Variants in TMEM242 observed in about 807,000 individuals in gnomAD.
TMEM242 encodes UPF0463 transmembrane protein C6orf35.
TMEM242 carries 10 observed loss-of-function variants against 18.2 expected under a neutral mutation model. The observed-to-expected ratio is 0.55, with a 90% CI of 0.34 to 0.93. The LOEUF (loss-of-function observed/expected upper bound fraction) is 0.93, where lower values mean the gene tolerates loss of function less well. TMEM242 is among the 40% of genes least tolerant of loss of function. TMEM242 has a pLI of 0.02. For missense variants in TMEM242, 186 were observed against 175.5 expected, an observed-to-expected ratio of 1.06 and a Z score of -0.34; for synonymous variants, 57 against 69.9, an observed-to-expected ratio of 0.81 and a Z score of 0.92.
intron 3 of TMEM242, among the ~76,000 whole-genome samples, chr6:157,313,849 G>A (rs1554249967): frequency 3.2e-4 from 48 of 148,906 alleles, no homozygotes; most frequent in African/African-American, 1.2e-3. Flanking sequence ...TCATCACAGT[G>A]CCCCAGTGTG....
intron 3 of TMEM242, among the ~76,000 whole-genome samples, chr6:157,315,499 C>T (rs1391077848): frequency 1.3e-5 from 2 of 152,168 alleles, no homozygotes; most frequent in Non-Finnish European, 2.9e-5. Context: ...AGAGAGAGTG[C>T]ATATGCAGTC....
At chr6:157,300,107 AC>A (rs1439684770) in intron 3 of TMEM242, 1 of 654,040 alleles carries the variant, frequency 1.5e-6, no homozygotes, top group African/African-American at 1.8e-5. Flanking sequence ...GGCCTGCACA[AC>A]AGACACAGTC....
intron 3 of TMEM242, among the ~76,000 whole-genome samples, chr6:157,313,736 C>T (rs1273773689): frequency 2.1e-5 from 2 of 96,824 alleles, no homozygotes; most frequent in Non-Finnish European, 4.5e-5. Context: ...CTCACCCGGC[C>T]TCATCACAGT....
chr6:157,309,333 CTTTT>C (rs587762300), intron 3 of TMEM242, among the ~76,000 whole-genome samples: 3 of 150,540 alleles, frequency 2.0e-5, no homozygotes, highest in African/African-American at 4.9e-5. Flanking sequence ...CAAAGGTTGT[CTTTT>C]TTTTTCTGTT....
chr6:157,311,273 C>T (rs1318429675), intron 3 of TMEM242, among the ~76,000 whole-genome samples: 373 of 5,768 alleles, frequency 0.065, 5 homozygotes, highest in African/African-American at 0.14. Flanking sequence ...CATCATAGTG[C>T]CCCCGTGTGC....
Position 157,310,795 on chromosome 6 carries a change from C to A in TMEM242, c.327+7987G>T, listed in dbSNP as rs1554248449. ...GGGTCCCAGTGTGCACTCACCCGGC[C>A]TCATCATAGGGTCCCAGTGTGCACT... is the stretch of plus-strand genomic sequence containing the variant. On this transcript the variant is annotated intron_variant, in intron 3 of 3. Coordinates refer to ENST00000400788, the MANE Select transcript of TMEM242 (RefSeq NM_018452.6). Among the ~76,000 whole-genome samples the A allele has an allele frequency of 7.5e-3, 1,107 of 147,480 alleles. 20 individuals are homozygous for A. Among genetic ancestry groups the A allele is most frequent in the African/African-American group, 0.026 (1,030 of 39,448 alleles).
intron 2 of TMEM242, among the ~76,000 whole-genome samples, chr6:157,321,288 G>A (rs1184581672): frequency 1.3e-5 from 2 of 152,058 alleles, no homozygotes; most frequent in Non-Finnish European, 2.9e-5. Flanking sequence ...GATTACAAGC[G>A]TGAGCCACCT....
At chr6:157,293,435 A>G (rs1331249926) in intron 3 of TMEM242, among the ~76,000 whole-genome samples, 6 of 152,152 alleles carry the variant, frequency 3.9e-5, no homozygotes, top group Non-Finnish European at 8.8e-5. Flanking sequence ...AACTCTCCAT[A>G]ATAATTATTC....
intron 3 of TMEM242, among the ~76,000 whole-genome samples, chr6:157,293,353 T>TA (rs1777708970): frequency 9.1e-6 from 1 of 110,134 alleles, no homozygotes; most frequent in African/African-American, 3.6e-5. Flanking sequence ...TCTATCTCTT[T>TA]AAAAACAAAC....
intron 3 of TMEM242, among the ~76,000 whole-genome samples, chr6:157,310,204 C>T (rs1777979453): frequency 1.3e-5 from 2 of 152,218 alleles, no homozygotes; most frequent in South Asian, 4.1e-4. Context: ...AAAGTCACTG[C>T]TCTTGAGTCA....
At chr6:157,306,344 C>G (rs1554247911) in intron 3 of TMEM242, among the ~76,000 whole-genome samples, 1 of 152,136 alleles carries the variant, frequency 6.6e-6, no homozygotes, top group Non-Finnish European at 1.5e-5. Context: ...CAAGAAGGTG[C>G]CATCAACTAT....
At chr6:157,315,908 T>C (rs1554250296) in intron 3 of TMEM242, among the ~76,000 whole-genome samples, 2 of 152,248 alleles carry the variant, frequency 1.3e-5, no homozygotes, top group African/African-American at 4.8e-5. Context: ...TTAATGTATG[T>C]GTTCTATGTG....
chr6:157,313,233 A>G (rs1324699113), intron 3 of TMEM242, among the ~76,000 whole-genome samples: 4 of 133,910 alleles, frequency 3.0e-5, no homozygotes, highest in Non-Finnish European at 6.4e-5. Context: ...TGGCCTCATC[A>G]TAGTGTCGCA....
intron 3 of TMEM242, among the ~76,000 whole-genome samples, chr6:157,312,523 C>CCAGTGT (rs1562384986): frequency 1.7e-4 from 1 of 5,920 alleles, no homozygotes. Flanking sequence ...CTCATCATAC[C>CCAGTGT]GCCCCAGTGT....
chr6:157,323,507 TCG>T lies in TMEM242; in HGVS notation c.-10_-9del. On this transcript the variant is annotated 5_prime_UTR_variant, in exon 1 of 4. Transcript: ENST00000400788. ...AGCGCCCGCTGTCTCCATGTTTAGGTCGCCTCTAGTGCGTCCGTCCCCAACTG... is the reference window on the plus strand; with the variant it reads ...AGCGCCCGCTGTCTCCATGTTTAGGTCCTCTAGTGCGTCCGTCCCCAACTG... 1 of 1,613,172 alleles carries T rather than the reference TCG, an allele frequency of 6.2e-7. No individual in the cohort carries two copies. The highest frequency in any genetic ancestry group is 8.5e-7 in the Non-Finnish European group (1 of 1,179,514).
chr6:157,309,146 C>G (rs1291071635), intron 3 of TMEM242, among the ~76,000 whole-genome samples: 1 of 152,126 alleles, frequency 6.6e-6, no homozygotes, highest in Admixed American at 6.5e-5. Flanking sequence ...TGCAGAGTAG[C>G]AGGCAGTAAA....
At chr6:157,322,987 G>T (rs1554250839) in intron 1 of TMEM242, among the ~76,000 whole-genome samples, 182 bp from the exon 2 acceptor site, 1 of 152,150 alleles carries the variant, frequency 6.6e-6, no homozygotes, top group African/African-American at 2.4e-5. Flanking sequence ...TGAGAAACAC[G>T]CGTGACCGCA....
intron 3 of TMEM242, among the ~76,000 whole-genome samples, chr6:157,311,244 G>A (rs1283788621): frequency 4.6e-4 from 46 of 99,270 alleles, no homozygotes; most frequent in East Asian, 2.0e-3. Context: ...TAGTGTCCCA[G>A]TGTGCGCTCA....
At chr6:157,315,968 C>A (rs1483929591) in intron 3 of TMEM242, among the ~76,000 whole-genome samples, 1 of 152,166 alleles carries the variant, frequency 6.6e-6, no homozygotes, top group Non-Finnish European at 1.5e-5. Context: ...TATTCTAGCA[C>A]AGTTGGATTA....
Sources: allele counts gnomAD v4.1 joint callset (sites outside exome capture counted in the v4.1 genomes callset), GRCh38; gene constraint gnomAD v4.1.1; transcripts MANE v1.5; gene names NCBI Gene and HGNC (gene_info 2026-07-23, HGNC 2026-07-21).